Variants in VWC2 observed in about 807,000 individuals in gnomAD.
The protein encoded by VWC2 is brorin.
VWC2 carries 14 observed loss-of-function variants against 29.8 expected under a neutral mutation model. The observed-to-expected ratio is 0.47, with a 90% confidence interval of 0.31 to 0.74. The LOEUF is 0.74. Ranked by LOEUF, VWC2 falls within the 30% of genes least tolerant of loss-of-function variation. VWC2 has a pLI of 0.05. For synonymous variants in VWC2, 213 were observed against 199.0 expected (o/e 1.07, Z -0.59); for missense variants, 457 against 459.8 (o/e 0.99, Z 0.05).
intron 2 of VWC2, among the ~76,000 whole-genome samples, chr7:49,786,345 T>C (rs561137): frequency 0.55 from 83,867 of 152,130 alleles, 25,281 homozygotes; most frequent in East Asian, 0.82. Flanking sequence ...TAGTATTCCA[T>C]GGTGTATATG....
At chr7:49,866,793 C>T (rs1318785383) in intron 3 of VWC2, among the ~76,000 whole-genome samples, 1 of 152,222 alleles carries the variant, frequency 6.6e-6, no homozygotes, top group African/African-American at 2.4e-5. Flanking sequence ...CCCTTTATGG[C>T]ATTTAGGTTC....
chr7:49,787,774 A>C (rs1218129548), intron 2 of VWC2, among the ~76,000 whole-genome samples: 4 of 152,198 alleles, frequency 2.6e-5, no homozygotes. Context: ...TGAGGGGTAC[A>C]CTGTGCTCTA....
intron 3 of VWC2, among the ~76,000 whole-genome samples, chr7:49,824,403 T>A (rs887272870): frequency 9.2e-5 from 14 of 152,236 alleles, no homozygotes; most frequent in African/African-American, 1.7e-4. Flanking sequence ...GGGGACCTTT[T>A]TCCAAACCAT....
intron 3 of VWC2, among the ~76,000 whole-genome samples, chr7:49,851,016 C>G (rs1210042426): frequency 6.6e-6 from 1 of 152,214 alleles, no homozygotes; most frequent in Non-Finnish European, 1.5e-5. Flanking sequence ...GTCCGCAATT[C>G]TGCAGGCCAG....
chr7:49,844,236 T>TA (rs1398233163), intron 3 of VWC2, among the ~76,000 whole-genome samples: 1 of 152,220 alleles, frequency 6.6e-6, no homozygotes, highest in African/African-American at 2.4e-5. Flanking sequence ...CATCAATCCT[T>TA]ATGATGACTG....
intron 3 of VWC2, among the ~76,000 whole-genome samples, chr7:49,872,831 G>C (rs376633038): frequency 9.0e-5 from 12 of 133,632 alleles, no homozygotes; most frequent in African/African-American, 3.3e-4. Context: ...CAGGAGAATC[G>C]CTTGAAACCA....
chr7:49,911,208 G>A (rs540999458), intron 3 of VWC2, among the ~76,000 whole-genome samples: 84 of 152,242 alleles, frequency 5.5e-4, no homozygotes, highest in African/African-American at 1.8e-3. Context: ...AATGGGCTGG[G>A]AGCGGTGGCT....
At chr7:49,890,439 T>TAA (rs1792078836) in intron 3 of VWC2, among the ~76,000 whole-genome samples, 1 of 152,208 alleles carries the variant, frequency 6.6e-6, no homozygotes, top group Non-Finnish European at 1.5e-5. Flanking sequence ...CATAATATGC[T>TAA]GTTTGACTTT....
rs551698637 is a variant in VWC2, at chr7:49,901,896, T to G, written c.827-10138T>G. 8.0e-4 allele frequency among the ~76,000 whole-genome samples: 122 copies of G among 152,050 alleles called. 1 individual carries two copies. The highest frequency in any genetic ancestry group is 6.8e-3 in the Middle Eastern group (2 of 294). On this transcript the variant is annotated intron_variant, in intron 3 of 3. Coordinates refer to ENST00000340652, the MANE Select transcript of VWC2 (RefSeq NM_198570.5). ...AACACTGTTTGCTAACACTGTTAGC[T>G]AACACTGTTTGCTAACAGAGTAAAC... is the stretch of plus-strand genomic sequence containing the variant.
At chr7:49,824,185 G>A (rs951431019) in intron 3 of VWC2, among the ~76,000 whole-genome samples, 1 of 151,938 alleles carries the variant, frequency 6.6e-6, no homozygotes, top group Non-Finnish European at 1.5e-5. Flanking sequence ...CTAATCCAAG[G>A]TCACAAGTTT....
chr7:49,878,726 A>T (rs1791551627), intron 3 of VWC2, among the ~76,000 whole-genome samples: 1 of 152,118 alleles, frequency 6.6e-6, no homozygotes, highest in Non-Finnish European at 1.5e-5. Flanking sequence ...AAAATTGCTC[A>T]TGCACGATTT....
At chr7:49,797,031 T>C (rs1266905731) in intron 2 of VWC2, among the ~76,000 whole-genome samples, 1 of 152,228 alleles carries the variant, frequency 6.6e-6, no homozygotes, top group East Asian at 1.9e-4. Context: ...ATAGATTCAA[T>C]ATTTATTTTA....
chr7:49,806,102 C>CT (rs1345906730), intron 3 of VWC2, among the ~76,000 whole-genome samples: 1 of 151,186 alleles, frequency 6.6e-6, no homozygotes, highest in Non-Finnish European at 1.5e-5. Context: ...AATTCCACCC[C>CT]CCCACAATGA....
intron 2 of VWC2, among the ~76,000 whole-genome samples, chr7:49,779,443 A>G (rs1457483439): frequency 6.6e-6 from 1 of 152,192 alleles, no homozygotes; most frequent in East Asian, 1.9e-4. Flanking sequence ...GATGGTTGTA[A>G]TTTAATTTGT....
intron 2 of VWC2, among the ~76,000 whole-genome samples, chr7:49,777,159 A>G (rs551196923): frequency 6.6e-6 from 1 of 152,254 alleles, no homozygotes; most frequent in South Asian, 2.1e-4. Context: ...GCCTGCCTGG[A>G]CTTAGCCCAT....
chr7:49,818,376 GTTGT>G (rs1789195131), intron 3 of VWC2, among the ~76,000 whole-genome samples: 1 of 152,168 alleles, frequency 6.6e-6, no homozygotes, highest in Non-Finnish European at 1.5e-5. Context: ...AGAAAGAACA[GTTGT>G]TTTTTTCTCC....
chr7:49,827,904 T>C (rs1789440703), intron 3 of VWC2, among the ~76,000 whole-genome samples: 1 of 152,214 alleles, frequency 6.6e-6, no homozygotes, highest in Admixed American at 6.5e-5. Context: ...AGTCTTTTAT[T>C]GAGACACGGT....
intron 3 of VWC2, among the ~76,000 whole-genome samples, chr7:49,834,329 G>A (rs1789608419): frequency 6.6e-6 from 1 of 152,156 alleles, no homozygotes; most frequent in Non-Finnish European, 1.5e-5. Flanking sequence ...GACTCTGTGG[G>A]AATCAAATAG....
At chr7:49,843,352 T>C (rs1789844258) in intron 3 of VWC2, among the ~76,000 whole-genome samples, 1 of 152,108 alleles carries the variant, frequency 6.6e-6, no homozygotes, top group South Asian at 2.1e-4. Context: ...GTGAAAAATC[T>C]CCCAAGCGAA....
Sources: gnomAD v4.1 joint callset for allele counts (sites outside exome capture counted in the v4.1 genomes callset) on GRCh38, gnomAD v4.1.1 for gene constraint, MANE v1.5 for transcripts, NCBI Gene and HGNC (gene_info 2026-07-23, HGNC 2026-07-21) for gene names.